The following MAPK4 variants were observed in gnomAD, a reference collection of about 807,000 sequenced individuals.
MAPK4 encodes the protein mitogen-activated protein kinase 4.
In MAPK4, 22 loss-of-function variants were observed where a neutral mutation model predicts 47.7. The ratio of observed to expected loss-of-function variants is 0.46; its 90% CI spans 0.33 to 0.66. The LOEUF (loss-of-function observed/expected upper bound fraction) is 0.66, where lower values mean the gene tolerates loss of function less well. Ranked by LOEUF, MAPK4 falls within the 30% of genes least tolerant of loss-of-function variation. The pLI, the probability that MAPK4 is intolerant of heterozygous loss-of-function variation, is 0.02. For synonymous variants in MAPK4, 390 were observed against 365.7 expected (o/e 1.07, Z -0.76); for missense variants, 736 against 831.7 (o/e 0.88, Z 1.42).
chr18:50,609,195 G>A (rs978378964), intron 1 of MAPK4, among the ~76,000 whole-genome samples: 1 of 151,496 alleles, frequency 6.6e-6, no homozygotes. Flanking sequence ...CGACAAAACC[G>A]CCATCGTCAT....
intron 2 of MAPK4, among the ~76,000 whole-genome samples, chr18:50,679,915 C>T (rs533559881): frequency 5.9e-5 from 9 of 152,042 alleles, no homozygotes; most frequent in Admixed American, 2.6e-4. Flanking sequence ...CTCTACTGTC[C>T]CTCCTCACTG....
chr18:50,697,243 C>A (rs1909561788), intron 2 of MAPK4, among the ~76,000 whole-genome samples: 1 of 152,168 alleles, frequency 6.6e-6, no homozygotes, highest in Non-Finnish European at 1.5e-5. Context: ...GCCACTCTCA[C>A]CTTCTCTTTC....
intron 2 of MAPK4, among the ~76,000 whole-genome samples, chr18:50,667,299 A>G (rs1169773331): frequency 6.6e-6 from 1 of 152,160 alleles, no homozygotes; most frequent in East Asian, 1.9e-4. Context: ...ACTGTACCTA[A>G]GACATGGCCC....
intron 1 of MAPK4, among the ~76,000 whole-genome samples, chr18:50,651,444 A>G (rs543797657): frequency 1.3e-5 from 2 of 152,324 alleles, no homozygotes; most frequent in African/African-American, 4.8e-5. Context: ...CCTGCAGGGC[A>G]TTCCTTGTTC....
At chr18:50,633,941 G>A (rs1323286986) in intron 1 of MAPK4, among the ~76,000 whole-genome samples, 3 of 152,182 alleles carry the variant, frequency 2.0e-5, no homozygotes, top group African/African-American at 7.2e-5. Context: ...CTAGGTGGGG[G>A]CCTTAGTAAG....
At chr18:50,661,315 T>C (rs2043169269) in intron 1 of MAPK4, among the ~76,000 whole-genome samples, 1 of 152,158 alleles carries the variant, frequency 6.6e-6, no homozygotes, top group African/African-American at 2.4e-5. Context: ...TTGATTCCCC[T>C]GAGTTAGGTA....
At chr18:50,657,329 G>A (rs1035276229) in intron 1 of MAPK4, among the ~76,000 whole-genome samples, 3 of 152,168 alleles carry the variant, frequency 2.0e-5, no homozygotes, top group Non-Finnish European at 2.9e-5. Context: ...GGGACTCCGG[G>A]AAATGTGAGT....
intron 3 of MAPK4, among the ~76,000 whole-genome samples, chr18:50,720,071 A>C (rs548229457): frequency 1.3e-5 from 2 of 152,198 alleles, no homozygotes; most frequent in Non-Finnish European, 2.9e-5. Context: ...ACCTTCTTTC[A>C]GTAGGAAAGG....
At chr18:50,668,997 C>T (rs1425435792) in intron 2 of MAPK4, among the ~76,000 whole-genome samples, 3 of 152,210 alleles carry the variant, frequency 2.0e-5, no homozygotes, top group South Asian at 4.1e-4. Context: ...TTCAGATGTA[C>T]GCAGGGCTAA....
At chr18:50,565,810 C>T (rs533217288) in intron 1 of MAPK4, among the ~76,000 whole-genome samples, 5 of 152,246 alleles carry the variant, frequency 3.3e-5, no homozygotes, top group Non-Finnish European at 5.9e-5. Flanking sequence ...ACCATATAGC[C>T]TAGGTATGTA....
At chr18:50,609,723 C>T (rs867358659) in intron 1 of MAPK4, among the ~76,000 whole-genome samples, 1 of 152,194 alleles carries the variant, frequency 6.6e-6, no homozygotes, top group Non-Finnish European at 1.5e-5. Context: ...AAGTAACTTG[C>T]CATAGGTCAC....
intron 1 of MAPK4, among the ~76,000 whole-genome samples, chr18:50,608,174 G>T (rs991521505): frequency 6.6e-6 from 1 of 152,120 alleles, no homozygotes; most frequent in Admixed American, 6.6e-5. Flanking sequence ...TGAGGATCAT[G>T]GTGGATAATG....
intron 2 of MAPK4, among the ~76,000 whole-genome samples, chr18:50,700,579 A>G (rs1264381511): frequency 3.3e-5 from 5 of 152,212 alleles, no homozygotes; most frequent in African/African-American, 1.2e-4. Context: ...GGACCCACCA[A>G]CCAGGGTTGT....
chr18:50,689,105 A>C (rs1303724400), intron 2 of MAPK4, among the ~76,000 whole-genome samples: 1 of 148,476 alleles, frequency 6.7e-6, no homozygotes, highest in Non-Finnish European at 1.5e-5. Flanking sequence ...CTAAAAATAT[A>C]AAAAATTATC....
chr18:50,569,518 T>C (rs570591554), intron 1 of MAPK4, among the ~76,000 whole-genome samples: 1 of 152,352 alleles, frequency 6.6e-6, no homozygotes, highest in South Asian at 2.1e-4. Flanking sequence ...ACTAGTTTAC[T>C]TTTTGTTCTG....
rs968189923 is a variant in MAPK4 at position 50,604,636 on chromosome 18, A to G, written c.-871+44393A>G. On this transcript the variant is annotated intron_variant, in intron 1 of 5. Transcript: ENST00000400384. ...TAAAGCAGCCCCTTTTCTAAGTTCT[A>G]TGTTTAACTTCTACTTTTTGTCTTG... Among the ~76,000 whole-genome samples, 4 of 152,242 alleles carry G rather than the reference A, an allele frequency of 2.6e-5. 1 individual carries two copies. Among genetic ancestry groups the G allele is most frequent in the South Asian group, 4.1e-4 (2 of 4,836 alleles).
chr18:50,658,020 C>A (rs957181284), intron 1 of MAPK4, among the ~76,000 whole-genome samples: 1 of 152,104 alleles, frequency 6.6e-6, no homozygotes, highest in Admixed American at 6.6e-5. Context: ...GATGCCCAGT[C>A]CCTGTGCCAC....
In MAPK4 at chr18:50,685,064, A is replaced by C. The variant is rs148482064; in HGVS notation, c.546+20560A>C. ...GATGTTCCATGCCCACCAGAAACAC[A>C]CAGTACTAAAACCATTGCTCCTTTG... On this transcript the variant is annotated intron_variant, in intron 2 of 5. Coordinates refer to ENST00000400384, the MANE Select transcript of MAPK4 (RefSeq NM_002747.4). Among the ~76,000 whole-genome samples the C allele has an allele frequency of 1.9e-4, 29 of 152,268 alleles. No individual in the cohort carries two copies. In the East Asian group the frequency reaches 5.4e-3, roughly 28 times the overall value.
chr18:50,674,623 C>G (rs571229308), intron 2 of MAPK4, among the ~76,000 whole-genome samples: 1 of 152,152 alleles, frequency 6.6e-6, no homozygotes, highest in African/African-American at 2.4e-5. Flanking sequence ...TAAACTCCTG[C>G]GGACCCTGCT....
Sources: allele counts gnomAD v4.1 joint callset (sites outside exome capture counted in the v4.1 genomes callset), GRCh38; gene constraint gnomAD v4.1.1; transcripts MANE v1.5; gene names NCBI Gene and HGNC (gene_info 2026-07-23, HGNC 2026-07-21).